AKAP6: variants seen among roughly 807,000 people sequenced by gnomAD.
AKAP6 encodes the protein A-kinase anchor protein 6.
Under a neutral mutation model 188.5 loss-of-function variants are expected in AKAP6, and 58 were observed. The observed-to-expected ratio is 0.31, with a 90% confidence interval of 0.25 to 0.38. The LOEUF (loss-of-function observed/expected upper bound fraction) is 0.38, where lower values mean the gene tolerates loss of function less well. Ranked by LOEUF, AKAP6 falls within the 10% of genes least tolerant of loss-of-function variation. The pLI is 1.00. For missense variants in AKAP6, 2,710 were observed against 2,740.0 expected (o/e 0.99, Z 0.24); for synonymous variants, 989 against 998.6 (o/e 0.99, Z 0.18).
intron 7 of AKAP6, among the ~76,000 whole-genome samples, chr14:32,653,937 T>C (rs1298136613): frequency 6.6e-6 from 1 of 152,168 alleles, no homozygotes; most frequent in Non-Finnish European, 1.5e-5. Context: ...TTTCTGCGTA[T>C]TAAAAACCTA....
At chr14:32,414,055 G>A (rs539610977) in intron 1 of AKAP6, among the ~76,000 whole-genome samples, 105 of 151,994 alleles carry the variant, frequency 6.9e-4, no homozygotes, top group African/African-American at 2.4e-3. Context: ...TAAATAAAAT[G>A]AGAAACCAGC....
At chr14:32,583,531 C>T (rs1314636996) in intron 5 of AKAP6, among the ~76,000 whole-genome samples, 1 of 152,200 alleles carries the variant, frequency 6.6e-6, no homozygotes, top group Non-Finnish European at 1.5e-5. Context: ...TTTAAGTCTG[C>T]AGAGGTTACT....
At chr14:32,340,411 C>T (rs1390249836) in intron 1 of AKAP6, among the ~76,000 whole-genome samples, 1 of 152,084 alleles carries the variant, frequency 6.6e-6, no homozygotes, top group Non-Finnish European at 1.5e-5. Context: ...GAGTAAGGCA[C>T]CTGAATTTTT....
At chr14:32,424,204 G>A (rs531782148) in intron 1 of AKAP6, among the ~76,000 whole-genome samples, 2 of 151,966 alleles carry the variant, frequency 1.3e-5, no homozygotes, top group South Asian at 4.2e-4. Context: ...ATTCTTTTTT[G>A]ACAATCTTTT....
chr14:32,418,842 C>T (rs1032556429), intron 1 of AKAP6, among the ~76,000 whole-genome samples: 4 of 152,088 alleles, frequency 2.6e-5, no homozygotes, highest in Admixed American at 1.3e-4. Flanking sequence ...GTTTGTGTCC[C>T]ATGCTTTTAT....
At chr14:32,670,252 C>A (rs1889125444) in intron 7 of AKAP6, among the ~76,000 whole-genome samples, 1 of 152,040 alleles carries the variant, frequency 6.6e-6, no homozygotes, top group Non-Finnish European at 1.5e-5. Context: ...TGGGTCCCTC[C>A]CATGACACAT....
chr14:32,787,988 C>T (rs1159372214), intron 12 of AKAP6, among the ~76,000 whole-genome samples: 1 of 140,730 alleles, frequency 7.1e-6, no homozygotes, highest in Admixed American at 7.6e-5. Flanking sequence ...ATGCAATGAG[C>T]CGTAATTATA....
At chr14:32,347,981 T>C (rs564601832) in intron 1 of AKAP6, among the ~76,000 whole-genome samples, 1 of 152,356 alleles carries the variant, frequency 6.6e-6, no homozygotes, top group Admixed American at 6.5e-5. Context: ...GAAATCGGGA[T>C]ACATTTTCTA....
chr14:32,430,881 C>A (rs536761113), intron 1 of AKAP6, among the ~76,000 whole-genome samples: 1 of 151,844 alleles, frequency 6.6e-6, no homozygotes, highest in East Asian at 1.9e-4. Flanking sequence ...CCGAGGTGGG[C>A]GGATCACGAG....
At chr14:32,651,204 T>C (rs1038845586) in intron 7 of AKAP6, among the ~76,000 whole-genome samples, 1 of 152,152 alleles carries the variant, frequency 6.6e-6, no homozygotes, top group Non-Finnish European at 1.5e-5. Flanking sequence ...TTATAAACTA[T>C]GCAACGTCTG....
At chr14:32,497,111 A>G (rs543801356) in intron 2 of AKAP6, among the ~76,000 whole-genome samples, 8 of 152,280 alleles carry the variant, frequency 5.3e-5, no homozygotes, top group African/African-American at 1.7e-4. Flanking sequence ...TCTTTGAGAA[A>G]GTTCATCCTC....
chr14:32,571,869 G>A (rs530700206), intron 4 of AKAP6, among the ~76,000 whole-genome samples: 12 of 152,214 alleles, frequency 7.9e-5, no homozygotes, highest in South Asian at 4.1e-4. Flanking sequence ...AGCATGTAAC[G>A]CCCTTAAATT....
chr14:32,708,401 AAG>A (rs34645535), intron 9 of AKAP6, among the ~76,000 whole-genome samples: 6 of 150,546 alleles, frequency 4.0e-5, no homozygotes, highest in East Asian at 2.0e-4. Flanking sequence ...ATGTGAGAGA[AAG>A]AGAGAGAGAG....
At chr14:32,473,148 T>C (rs1594651287) in intron 2 of AKAP6, among the ~76,000 whole-genome samples, 1 of 152,208 alleles carries the variant, frequency 6.6e-6, no homozygotes. Context: ...AGCTTTCTTA[T>C]CACAAGTTTT....
At position 32,545,029 on chromosome 14, in the gene AKAP6, A is replaced by G. The variant is rs141904520; in HGVS notation, c.577-201A>G. On this transcript the variant is annotated intron_variant, in intron 3 of 13. Transcript: ENST00000280979. ...GCTGTATACTCCAGATTAGTGAAAA[A>G]TCTTCAGGTGTTTAAGAACAAGATA... Among the ~76,000 whole-genome samples the G allele has an allele frequency of 5.8e-3, 887 of 152,272 alleles. 12 individuals are homozygous for G. The highest frequency in any genetic ancestry group is 0.02 in the African/African-American group (834 of 41,556).
At chr14:32,785,920 A>C (rs751394350) in intron 12 of AKAP6, among the ~76,000 whole-genome samples, 2 of 152,228 alleles carry the variant, frequency 1.3e-5, no homozygotes, top group African/African-American at 2.4e-5. Flanking sequence ...TGGTGAAGAC[A>C]CAAGTATCAT....
chr14:32,716,387 A>G (rs1225050440), intron 9 of AKAP6, among the ~76,000 whole-genome samples: 1 of 151,570 alleles, frequency 6.6e-6, no homozygotes, highest in Non-Finnish European at 1.5e-5. Context: ...ATTACGTACT[A>G]TATCCTATTA....
chr14:32,632,254 T>G (rs1380694638), intron 7 of AKAP6, among the ~76,000 whole-genome samples: 2 of 152,070 alleles, frequency 1.3e-5, no homozygotes, highest in East Asian at 3.9e-4. Context: ...TGCCTTTATA[T>G]AAAAGTTTAG....
chr14:32,572,427 T>G (rs1884533690), intron 4 of AKAP6, among the ~76,000 whole-genome samples: 1 of 152,220 alleles, frequency 6.6e-6, no homozygotes. Context: ...CCATATCTTG[T>G]TTTCCATTAT....
Sources: allele counts gnomAD v4.1 joint callset (sites outside exome capture counted in the v4.1 genomes callset), GRCh38; gene constraint gnomAD v4.1.1; transcripts MANE v1.5; gene names NCBI Gene and HGNC (gene_info 2026-07-23, HGNC 2026-07-21).